ERBB4: variants seen among roughly 807,000 people sequenced by gnomAD.
The protein encoded by ERBB4 is erb-b2 receptor tyrosine kinase 4.
ERBB4 carries 42 observed loss-of-function variants against 158.0 expected under a neutral mutation model. That is an observed-to-expected ratio of 0.27 (90% CI 0.21 to 0.34). ERBB4 has a LOEUF of 0.34. Ranked by LOEUF, ERBB4 falls within the 10% of genes least tolerant of loss-of-function variation. The pLI is 1.00. For synonymous variants in ERBB4, 583 were observed against 558.7 expected (o/e 1.04, Z -0.61); for missense variants, 1,333 against 1,624.1 (o/e 0.82, Z 3.08).
intron 1 of ERBB4, among the ~76,000 whole-genome samples, chr2:212,160,948 A>G (rs2081185883): frequency 6.6e-6 from 1 of 152,012 alleles, no homozygotes; most frequent in Non-Finnish European, 1.5e-5. Flanking sequence ...ACAGGTAACA[A>G]ATTGCCAAAG....
intron 12 of ERBB4, among the ~76,000 whole-genome samples, chr2:211,690,157 C>T (rs1415460445): frequency 6.6e-6 from 1 of 151,310 alleles, no homozygotes; most frequent in Non-Finnish European, 1.5e-5. Context: ...AGTGTTCTAA[C>T]TTAACTCAGT....
At chr2:211,683,900 A>G (rs577458727) in intron 12 of ERBB4, among the ~76,000 whole-genome samples, 50 of 152,190 alleles carry the variant, frequency 3.3e-4, no homozygotes, top group African/African-American at 1.1e-3. Context: ...AGGTGTAGTA[A>G]TATCTCATTG....
intron 2 of ERBB4, among the ~76,000 whole-genome samples, chr2:211,996,088 T>C (rs1277108947): frequency 1.3e-5 from 2 of 152,164 alleles, no homozygotes; most frequent in Admixed American, 1.3e-4. Flanking sequence ...ACAGAAAGCA[T>C]CCATTTTAAA....
intron 2 of ERBB4, among the ~76,000 whole-genome samples, chr2:211,972,145 G>C (rs2888037): frequency 0.24 from 36,645 of 151,796 alleles, 4,704 homozygotes; most frequent in East Asian, 0.39. Flanking sequence ...AATCAAGGAA[G>C]AAACTATAAT....
rs1001874577 is a variant in ERBB4, at chr2:212,105,249, C to A, written c.234+19503G>T. ...GATCATGAATTTTAAGATTATAGATCATGTGTGCGTTATTGCAGACGAGTG... is the reference window on the plus strand; with the variant it reads ...GATCATGAATTTTAAGATTATAGATAATGTGTGCGTTATTGCAGACGAGTG... On this transcript the variant is annotated intron_variant, in intron 2 of 27. Coordinates refer to ENST00000342788, the MANE Select transcript of ERBB4 (RefSeq NM_005235.3). Among the ~76,000 whole-genome samples, 5 of 152,260 alleles carry A rather than the reference C, an allele frequency of 3.3e-5. No individual in the cohort carries two copies. The East Asian group carries it at 5.8e-4, about 18-fold the overall frequency.
chr2:211,637,147 A>C (rs2070392358), intron 16 of ERBB4, among the ~76,000 whole-genome samples: 1 of 151,976 alleles, frequency 6.6e-6, no homozygotes, highest in African/African-American at 2.4e-5. Context: ...AAAATCTTAC[A>C]GTGGCTACAG....
intron 1 of ERBB4, among the ~76,000 whole-genome samples, chr2:212,211,237 TG>T (rs2082923381): frequency 6.6e-6 from 1 of 152,148 alleles, no homozygotes; most frequent in African/African-American, 2.4e-5. Context: ...AGTCTTTACC[TG>T]ACTTCCACTC....
intron 2 of ERBB4, among the ~76,000 whole-genome samples, chr2:212,092,108 T>C (rs911519324): frequency 1.3e-5 from 2 of 152,184 alleles, no homozygotes; most frequent in South Asian, 4.1e-4. Flanking sequence ...CAATGTCCTA[T>C]GGGAAACAAA....
chr2:212,170,199 G>A (rs1280153368), intron 1 of ERBB4, among the ~76,000 whole-genome samples: 1 of 152,166 alleles, frequency 6.6e-6, no homozygotes, highest in Non-Finnish European at 1.5e-5. Flanking sequence ...AGTCCAGGCT[G>A]AGGTGGTCTC....
intron 19 of ERBB4, among the ~76,000 whole-genome samples, chr2:211,614,674 C>G (rs187548773): frequency 6.6e-6 from 1 of 151,914 alleles, no homozygotes; most frequent in East Asian, 1.9e-4. Flanking sequence ...GAACAAAATA[C>G]CTTTTCAAAT....
At chr2:212,445,928 T>C (rs979978090) in intron 1 of ERBB4, among the ~76,000 whole-genome samples, 1 of 152,244 alleles carries the variant, frequency 6.6e-6, no homozygotes, top group Admixed American at 6.5e-5. Context: ...GCTGAAAACA[T>C]GTTTGTGTAT....
intron 20 of ERBB4, among the ~76,000 whole-genome samples, chr2:211,507,404 G>A (rs1439633307): frequency 6.6e-6 from 1 of 151,964 alleles, no homozygotes; most frequent in African/African-American, 2.4e-5. Flanking sequence ...AAGGATACAA[G>A]AAAAAGAGAA....
At chr2:211,609,912 C>T (rs543112407) in intron 19 of ERBB4, among the ~76,000 whole-genome samples, 2 of 152,270 alleles carry the variant, frequency 1.3e-5, no homozygotes, top group Non-Finnish European at 2.9e-5. Context: ...AAATTGTAGA[C>T]ATAAACCTCT....
At chr2:212,252,039 T>A (rs987943182) in intron 1 of ERBB4, among the ~76,000 whole-genome samples, 4 of 152,002 alleles carry the variant, frequency 2.6e-5, no homozygotes, top group Admixed American at 6.6e-5. Context: ...ATTCTAGATA[T>A]ATTTTTAAAG....
intron 5 of ERBB4, among the ~76,000 whole-genome samples, chr2:211,734,283 G>C (rs979406267): frequency 6.6e-6 from 1 of 152,046 alleles, no homozygotes; most frequent in African/African-American, 2.4e-5. Flanking sequence ...ACATCTCTAA[G>C]ACAGATCACC....
At chr2:211,588,748 G>C (rs374721898) in intron 19 of ERBB4, among the ~76,000 whole-genome samples, 1 of 151,946 alleles carries the variant, frequency 6.6e-6, no homozygotes, top group Non-Finnish European at 1.5e-5. Context: ...TAATCACTCC[G>C]CACTTAACCA....
At chr2:211,633,668 A>G (rs1034470819) in intron 16 of ERBB4, among the ~76,000 whole-genome samples, 14 of 148,534 alleles carry the variant, frequency 9.4e-5, no homozygotes, top group Non-Finnish European at 1.9e-4. Flanking sequence ...ATCTGCTCTT[A>G]TAATTTTGAC....
At chr2:211,473,615 C>T (rs2064884003) in intron 20 of ERBB4, among the ~76,000 whole-genome samples, 1 of 151,952 alleles carries the variant, frequency 6.6e-6, no homozygotes, top group Non-Finnish European at 1.5e-5. Context: ...AGATCTATAG[C>T]CATTTGTCAA....
intron 1 of ERBB4, among the ~76,000 whole-genome samples, chr2:212,468,557 G>A (rs1688959077): frequency 6.6e-6 from 1 of 152,140 alleles, no homozygotes; most frequent in African/African-American, 2.4e-5. Flanking sequence ...GGCCTCCCCA[G>A]CCATGTGGAA....
Sources: gnomAD v4.1 joint callset for allele counts (sites outside exome capture counted in the v4.1 genomes callset) on GRCh38, gnomAD v4.1.1 for gene constraint, MANE v1.5 for transcripts, NCBI Gene and HGNC (gene_info 2026-07-23, HGNC 2026-07-21) for gene names.